The following CERS3 variants were observed in gnomAD, a reference collection of about 807,000 sequenced individuals.
The protein encoded by CERS3 is ceramide synthase 3, also known as LAG1 homolog, ceramide synthase 3.
A neutral mutation model predicts 50.3 loss-of-function variants in CERS3; 33 were observed. That is an observed-to-expected ratio of 0.66 (90% confidence interval 0.50 to 0.88). CERS3 has a LOEUF of 0.88. Ranked by LOEUF, CERS3 falls within the 40% of genes least tolerant of loss-of-function variation. CERS3 has a pLI of 0.00. For synonymous variants in CERS3, 176 were observed against 155.2 expected, an observed-to-expected ratio of 1.13 and a Z score of -0.99; for missense variants, 470 against 460.3, an observed-to-expected ratio of 1.02 and a Z score of -0.19.
intron 11 of CERS3, among the ~76,000 whole-genome samples, chr15:100,426,668 C>G (rs2032830610): frequency 6.6e-6 from 1 of 152,180 alleles, no homozygotes; most frequent in Non-Finnish European, 1.5e-5. Flanking sequence ...TAATTGAATA[C>G]TGTATAACTG....
chr15:100,476,195 T>A lies in CERS3; in HGVS notation c.517-17A>T. 6.6e-7 allele frequency: 1 copy of A among 1,507,590 alleles called. No individual in the cohort carries two copies. The highest frequency in any genetic ancestry group is 1.3e-5 in the South Asian group (1 of 78,678). 93.4% of individuals were successfully genotyped at this position (1,507,590 alleles called of 1,614,324 possible). A position where few individuals can be genotyped will look rare whatever the true frequency, so the allele number is the denominator to read the frequency against. On this transcript the variant is annotated splice_polypyrimidine_tract_variant and intron_variant, in intron 7 of 11. Coordinates refer to ENST00000679737, the MANE Select transcript of CERS3 (RefSeq NM_001378789.1). ...CAGCAGGGGCTGAGGAAAAGAAGAGTATTCATTACTTTAAATGCCATCATA... is the reference window on the plus strand; with the variant it reads ...CAGCAGGGGCTGAGGAAAAGAAGAGAATTCATTACTTTAAATGCCATCATA...
chr15:100,494,991 T>C (rs574143937), intron 3 of CERS3, among the ~76,000 whole-genome samples: 1 of 152,364 alleles, frequency 6.6e-6, no homozygotes, highest in African/African-American at 2.4e-5. Flanking sequence ...TCCACTGTCT[T>C]AGACAGTTAT....
intron 1 of CERS3, among the ~76,000 whole-genome samples, chr15:100,523,479 A>G (rs2036696303): frequency 6.6e-6 from 1 of 152,108 alleles, no homozygotes; most frequent in East Asian, 1.9e-4. Context: ...AGGCAAGCAG[A>G]TCACAAGGTC....
intron 5 of CERS3, 97 bp from the exon 6 acceptor site, chr15:100,480,143 T>G: frequency 1.1e-6 from 1 of 875,360 alleles, no homozygotes; most frequent in Non-Finnish European, 1.9e-6. Flanking sequence ...AGAACACACA[T>G]TCTGGAGTCA....
rs766114353 is a variant in CERS3 at position 100,402,863 on chromosome 15, G to T, written c.1002C>A (p.Ser334Arg). ...KMLNRCIFMK[S>R]IQDVRSDDED... Reference sequence around the variant, plus strand: ...CGTCATCACTCCTCACATCCTGGATGCTCTAGACAAAGGAAAGAATTGGCT... The same window carrying T: ...CGTCATCACTCCTCACATCCTGGATTCTCTAGACAAAGGAAAGAATTGGCT... The change falls in exon 12 of 12, where the codon AGC becomes AGA. Residue 334 changes from serine (S) to arginine (R), a missense_variant and splice_region_variant. Physicochemically the swap from Ser to Arg is moderately radical, Grantham distance 110. Transcript: ENST00000679737. The T allele has an allele frequency of 8.2e-6, 13 of 1,589,688 alleles. No individual in the cohort carries two copies. In the African/African-American group the frequency reaches 1.7e-4, roughly 21 times the overall value.
chr15:100,480,124 AT>A (rs770581257), intron 5 of CERS3, 78 bp from the exon 6 acceptor site: 60 of 1,072,128 alleles, frequency 5.6e-5, no homozygotes, highest in Non-Finnish European at 7.7e-5. Flanking sequence ...GGTATGGCAG[AT>A]TTTACAAAGA....
At chr15:100,506,991 T>G (rs2036205032) in intron 2 of CERS3, among the ~76,000 whole-genome samples, 2 of 152,318 alleles carry the variant, frequency 1.3e-5, no homozygotes, top group East Asian at 3.9e-4. Context: ...CTTCTCAGCT[T>G]CATCAACTTT....
chr15:100,454,446 T>C (rs1332445077), intron 11 of CERS3, among the ~76,000 whole-genome samples: 2 of 146,782 alleles, frequency 1.4e-5, no homozygotes, highest in African/African-American at 2.5e-5. Flanking sequence ...AATACATACA[T>C]TGGGGGAAAG....
At chr15:100,429,050 G>T (rs2032979374) in intron 11 of CERS3, among the ~76,000 whole-genome samples, 1 of 152,228 alleles carries the variant, frequency 6.6e-6, no homozygotes, top group South Asian at 2.1e-4. Flanking sequence ...CCTGACCCCA[G>T]GTGAGGCCTC....
chr15:100,542,725 G>A lies in CERS3; in HGVS notation c.-355+1926C>T, dbSNP rs576740429. On this transcript the variant is annotated intron_variant, in intron 1 of 12. Coordinates refer to the CERS3 transcript ENST00000284382. ...CAAACTCAGTAACAATTTTAAGAAT[G>A]TAATTCACAATAAATACATGTTATA... Among the ~76,000 whole-genome samples, 8 of 152,070 alleles carry A rather than the reference G, an allele frequency of 5.3e-5. No individual in the cohort carries two copies. In the South Asian group the frequency reaches 1.7e-3, roughly 32 times the overall value.
intron 2 of CERS3, 63 bp from the exon 3 acceptor site, chr15:100,501,913 A>T: frequency 6.5e-7 from 1 of 1,548,428 alleles, no homozygotes; most frequent in Non-Finnish European, 8.8e-7. Flanking sequence ...GATAACATTG[A>T]TCACCTTGGC....
At chr15:100,418,463 C>T (rs1295895038) in intron 11 of CERS3, among the ~76,000 whole-genome samples, 14 of 148,708 alleles carry the variant, frequency 9.4e-5, no homozygotes, top group Admixed American at 2.7e-4. Flanking sequence ...GATTGGTGTA[C>T]CTGAAAGTGA....
intron 1 of CERS3, among the ~76,000 whole-genome samples, chr15:100,535,545 T>C (rs1005021237): frequency 1.3e-5 from 2 of 151,054 alleles, no homozygotes; most frequent in African/African-American, 2.4e-5. Context: ...GATATGCCTA[T>C]GCTCATATGT....
chr15:100,405,450 C>T (rs979959211), intron 11 of CERS3, among the ~76,000 whole-genome samples: 2 of 152,030 alleles, frequency 1.3e-5, no homozygotes, highest in African/African-American at 2.4e-5. Context: ...CAATACCAAG[C>T]ACTGACAAGG....
chr15:100,519,189 C>G (rs1349487258), intron 2 of CERS3, among the ~76,000 whole-genome samples: 1 of 151,514 alleles, frequency 6.6e-6, no homozygotes, highest in Non-Finnish European at 1.5e-5. Flanking sequence ...AAAAAATATA[C>G]TTGGCCAAAG....
At chr15:100,406,224 C>T (rs2031012814) in intron 11 of CERS3, among the ~76,000 whole-genome samples, 1 of 152,166 alleles carries the variant, frequency 6.6e-6, no homozygotes, top group East Asian at 1.9e-4. Flanking sequence ...CCCAGGATCA[C>T]CCTCTAGGCC....
At chr15:100,462,889 T>C (rs1322069161) in intron 10 of CERS3, among the ~76,000 whole-genome samples, 14 of 152,190 alleles carry the variant, frequency 9.2e-5, no homozygotes, top group Non-Finnish European at 1.5e-5. Context: ...AATTGGAACA[T>C]GGAAGGTAGA....
At chr15:100,409,103 GGTT>G (rs1567589112) in intron 11 of CERS3, among the ~76,000 whole-genome samples, 1 of 152,172 alleles carries the variant, frequency 6.6e-6, no homozygotes, top group African/African-American at 2.4e-5. Flanking sequence ...GTCTATATGA[GGTT>G]GGCTCTTCGT....
chr15:100,427,421 C>G (rs2032879796), intron 11 of CERS3, among the ~76,000 whole-genome samples: 1 of 152,018 alleles, frequency 6.6e-6, no homozygotes, highest in Admixed American at 6.5e-5. Context: ...ATCTATTGGC[C>G]CATAGATGAG....
Sources: gnomAD v4.1 joint callset for allele counts (sites outside exome capture counted in the v4.1 genomes callset) on GRCh38, gnomAD v4.1.1 for gene constraint, MANE v1.5 for transcripts, NCBI Gene and HGNC (gene_info 2026-07-23, HGNC 2026-07-21) for gene names.